Variants in SOX6 observed in about 807,000 individuals in gnomAD.
SOX6 encodes transcription factor SOX-6.
SOX6 carries 11 observed loss-of-function variants against 97.8 expected under a neutral mutation model. The observed-to-expected ratio is 0.11, with a 90% confidence interval of 0.07 to 0.19. SOX6 has a LOEUF of 0.19. SOX6 is among the 10% of genes least tolerant of loss of function. SOX6 has a pLI of 1.00. For missense variants in SOX6, 810 were observed against 1,039.5 expected, an observed-to-expected ratio of 0.78 and a Z score of 3.04; for synonymous variants, 360 against 371.4, an observed-to-expected ratio of 0.97 and a Z score of 0.35.
In SOX6 at chr11:16,063,690, C is replaced by T. The variant is rs578034433; in HGVS notation, c.1102-7789G>A. On this transcript the variant is annotated intron_variant, in intron 9 of 15. Transcript: ENST00000683767. ...CAGTCATCTAGTTTTCCAATAATCA[C>T]CCCAATTCATTAATGCATTAATTCA... Among the ~76,000 whole-genome samples, 209 of 149,090 alleles carry T rather than the reference C, an allele frequency of 1.4e-3. 1 individual carries two copies. The highest frequency in any genetic ancestry group is 4.8e-3 in the African/African-American group (195 of 40,846).
intron 12 of SOX6, 62 bp downstream of exon 12, chr11:16,046,452 G>T: frequency 1.3e-6 from 2 of 1,580,604 alleles, no homozygotes; most frequent in Non-Finnish European, 1.7e-6. Flanking sequence ...AGCCTGGAAA[G>T]AACCAGATGA....
At chr11:16,179,759 T>TA (rs1481653180) in intron 6 of SOX6, among the ~76,000 whole-genome samples, 1 of 151,916 alleles carries the variant, frequency 6.6e-6, no homozygotes, top group Non-Finnish European at 1.5e-5. Flanking sequence ...AATGCCTAAA[T>TA]AAAACCCCAT....
In SOX6 at chr11:16,551,187, A is replaced by T. The variant is rs540621599; in HGVS notation, n.609+60894T>A. ...ATAGTGAGACACCATCTTTAAAAAA[A>T]TTTAAAATAAAAAATTAGCTGGGAA... On this transcript the variant is annotated intron_variant and non_coding_transcript_variant, in intron 4 of 5. Coordinates refer to the SOX6 transcript ENST00000524520. Among the ~76,000 whole-genome samples, 565 of 152,220 alleles carry T rather than the reference A, an allele frequency of 3.7e-3. 3 individuals carry two copies. The highest frequency in any genetic ancestry group is 0.013 in the African/African-American group (547 of 41,540).
At chr11:16,365,346 A>T (rs35742324) in intron 1 of SOX6, among the ~76,000 whole-genome samples, 44,998 of 150,992 alleles carry the variant, frequency 0.3, 6,855 homozygotes, top group East Asian at 0.52. Flanking sequence ...TGTATCTTGT[A>T]TGGTATAAAA....
chr11:16,029,336 C>G (rs979989218), intron 12 of SOX6, among the ~76,000 whole-genome samples: 4 of 152,140 alleles, frequency 2.6e-5, no homozygotes, highest in Admixed American at 2.6e-4. Context: ...TTCCTTCAGT[C>G]CTAAAGATTG....
At chr11:16,218,292 C>T (rs1213709349) in intron 4 of SOX6, among the ~76,000 whole-genome samples, 1 of 151,978 alleles carries the variant, frequency 6.6e-6, no homozygotes, top group Non-Finnish European at 1.5e-5. Flanking sequence ...GAAGAAATAA[C>T]CTAGTAGTTT....
chr11:16,725,677 G>C (rs1848301475), intron 2 of SOX6, among the ~76,000 whole-genome samples: 1 of 152,058 alleles, frequency 6.6e-6, no homozygotes, highest in Admixed American at 6.6e-5. Context: ...ATGGCTAACA[G>C]GTGCAGAGTT....
rs1428487595 is a variant in SOX6, at chr11:16,654,506, G to A, written n.430-42246C>T. On this transcript the variant is annotated intron_variant and non_coding_transcript_variant, in intron 3 of 5. Coordinates refer to the SOX6 transcript ENST00000524520. ...AGTTTTGCTATGTTGCCCAGGCTGG[G>A]TTCAAACTCCTGGCCTCAAGCACTC... Among the ~76,000 whole-genome samples, 3 of 151,892 alleles carry A rather than the reference G, an allele frequency of 2.0e-5. No individual in the cohort carries two copies. In the East Asian group the frequency reaches 5.8e-4, roughly 29 times the overall value.
At chr11:16,132,392 AAG>A (rs1849802984) in intron 6 of SOX6, among the ~76,000 whole-genome samples, 2 of 95,846 alleles carry the variant, frequency 2.1e-5, no homozygotes, top group African/African-American at 4.6e-5. Flanking sequence ...GAAAGAAAGA[AAG>A]AAAGAAAAAA....
At chr11:16,387,682 A>T (rs1383478835) in intron 1 of SOX6, among the ~76,000 whole-genome samples, 1 of 152,040 alleles carries the variant, frequency 6.6e-6, no homozygotes, top group Non-Finnish European at 1.5e-5. Context: ...AAAAATGATC[A>T]CTCTTCTAAG....
chr11:16,147,907 T>C (rs928146364), intron 6 of SOX6, among the ~76,000 whole-genome samples: 4 of 152,332 alleles, frequency 2.6e-5, no homozygotes, highest in Non-Finnish European at 4.4e-5. Flanking sequence ...CAGCCTGGCA[T>C]GAAGATGTGA....
intron 12 of SOX6, among the ~76,000 whole-genome samples, chr11:16,033,382 T>G (rs534790728): frequency 6.6e-6 from 1 of 152,144 alleles, no homozygotes; most frequent in Non-Finnish European, 1.5e-5. Context: ...GTAATACACA[T>G]GTTGTTGATC....
At chr11:16,618,947 G>A (rs992694296) in intron 3 of SOX6, among the ~76,000 whole-genome samples, 3 of 151,894 alleles carry the variant, frequency 2.0e-5, no homozygotes, top group Non-Finnish European at 4.4e-5. Flanking sequence ...TAATAACAAG[G>A]ACTTCTTAAC....
At chr11:16,654,064 C>G (rs1479676212) in intron 3 of SOX6, among the ~76,000 whole-genome samples, 2 of 152,090 alleles carry the variant, frequency 1.3e-5, no homozygotes, top group African/African-American at 4.8e-5. Flanking sequence ...GTTCATCTTT[C>G]TTCTTGCTAG....
chr11:16,540,953 C>T (rs1371713936), intron 4 of SOX6, among the ~76,000 whole-genome samples: 2 of 152,158 alleles, frequency 1.3e-5, no homozygotes, highest in African/African-American at 2.4e-5. Flanking sequence ...ACTTTCTTCA[C>T]AGAATTGGAA....
At chr11:16,616,221 C>T (rs144378143) in intron 3 of SOX6, among the ~76,000 whole-genome samples, 1 of 152,152 alleles carries the variant, frequency 6.6e-6, no homozygotes, top group African/African-American at 2.4e-5. Context: ...AGTATAGATC[C>T]TTTCCAATAC....
At chr11:15,989,538 C>T (rs1853977415) in intron 13 of SOX6, among the ~76,000 whole-genome samples, 2 of 152,180 alleles carry the variant, frequency 1.3e-5, no homozygotes, top group Non-Finnish European at 2.9e-5. Flanking sequence ...TGCTGTAATT[C>T]CTTTCTTCAA....
chr11:16,026,602 G>C (rs184562138), intron 12 of SOX6, among the ~76,000 whole-genome samples: 20 of 151,994 alleles, frequency 1.3e-4, no homozygotes, highest in Non-Finnish European at 1.6e-4. Context: ...CTAAGAAGAG[G>C]GCCTTTCTTC....
chr11:16,639,154 C>G (rs940719618), intron 3 of SOX6, among the ~76,000 whole-genome samples: 3 of 152,178 alleles, frequency 2.0e-5, no homozygotes, highest in African/African-American at 7.2e-5. Context: ...TTTCCCAGCA[C>G]CATTTGTTAA....
Sources: gnomAD v4.1 joint callset for allele counts (sites outside exome capture counted in the v4.1 genomes callset) on GRCh38, gnomAD v4.1.1 for gene constraint, MANE v1.5 for transcripts, NCBI Gene and HGNC (gene_info 2026-07-23, HGNC 2026-07-21) for gene names.